GTF2E2: variants seen among roughly 807,000 people sequenced by gnomAD.
The protein encoded by GTF2E2 is general transcription factor IIE subunit 2, also known as transcription initiation factor IIE subunit beta.
In GTF2E2, 21 loss-of-function variants were observed where a neutral mutation model predicts 40.5. That is an observed-to-expected ratio of 0.52 (90% confidence interval 0.37 to 0.75). The LOEUF (loss-of-function observed/expected upper bound fraction) is 0.75. Among genes scored for constraint, GTF2E2 ranks in the 30% least tolerant of loss-of-function variants. GTF2E2 has a pLI of 0.00. For missense variants in GTF2E2, 298 were observed against 338.4 expected (o/e 0.88, Z 0.94); for synonymous variants, 117 against 121.6 (o/e 0.96, Z 0.25).
chr8:30,614,050 C>G (rs1218022182), intron 4 of GTF2E2, among the ~76,000 whole-genome samples: 2 of 152,140 alleles, frequency 1.3e-5, no homozygotes, highest in African/African-American at 4.8e-5. Flanking sequence ...AGCACACAAA[C>G]TATAAATCTG....
chr8:30,619,037 G>A (rs1000478463), intron 3 of GTF2E2, among the ~76,000 whole-genome samples: 5 of 152,148 alleles, frequency 3.3e-5, no homozygotes, highest in Admixed American at 2.0e-4. Context: ...CCACCTCCCG[G>A]GTTCAAGTGA....
At chr8:30,580,957 A>G (rs2151104672) in intron 6 of GTF2E2, among the ~76,000 whole-genome samples, 1 of 152,344 alleles carries the variant, frequency 6.6e-6, no homozygotes, top group East Asian at 1.9e-4. Flanking sequence ...TCTGTAATAC[A>G]AGGAGAAAGG....
chr8:30,590,861 T>C (rs1828826755), intron 6 of GTF2E2, among the ~76,000 whole-genome samples: 1 of 151,674 alleles, frequency 6.6e-6, no homozygotes. Flanking sequence ...CAGCTGATTT[T>C]TGTATTTTTA....
intron 3 of GTF2E2, among the ~76,000 whole-genome samples, chr8:30,621,908 A>G (rs1367066823): frequency 6.6e-6 from 1 of 152,004 alleles, no homozygotes; most frequent in African/African-American, 2.4e-5. Context: ...TTCCTGACCT[A>G]AAGAAAACAC....
At chr8:30,629,911 G>T (rs1395513213) in intron 3 of GTF2E2, among the ~76,000 whole-genome samples, 1 of 151,978 alleles carries the variant, frequency 6.6e-6, no homozygotes, top group African/African-American at 2.4e-5. Context: ...AAGGAATAAT[G>T]CTGAAATCAA....
At chr8:30,629,688 CAAAA>C (rs10707910) in intron 3 of GTF2E2, among the ~76,000 whole-genome samples, 2 of 70,976 alleles carry the variant, frequency 2.8e-5, no homozygotes, top group Admixed American at 1.6e-4. Flanking sequence ...GATTCCATCT[CAAAA>C]AAAAAAAAAA....
chr8:30,606,671 A>G (rs1043701973), intron 6 of GTF2E2, among the ~76,000 whole-genome samples: 2 of 152,216 alleles, frequency 1.3e-5, no homozygotes, highest in Non-Finnish European at 2.9e-5. Flanking sequence ...TGAAAGATTC[A>G]TAAGATAAGA....
intron 2 of GTF2E2, among the ~76,000 whole-genome samples, chr8:30,640,289 G>C (rs1801767882): frequency 6.6e-6 from 1 of 152,162 alleles, no homozygotes; most frequent in Non-Finnish European, 1.5e-5. Context: ...CATAAATACA[G>C]CAAAAGCATA....
chr8:30,599,376 A>C (rs1002980266), intron 6 of GTF2E2, among the ~76,000 whole-genome samples: 2 of 152,098 alleles, frequency 1.3e-5, no homozygotes, highest in African/African-American at 4.8e-5. Flanking sequence ...CAGGAGTTCA[A>C]GAACTAGCCT....
At chr8:30,632,453 T>C (rs1407110356) in intron 3 of GTF2E2, among the ~76,000 whole-genome samples, 1 of 152,218 alleles carries the variant, frequency 6.6e-6, no homozygotes, top group Non-Finnish European at 1.5e-5. Flanking sequence ...AGACTGGCTT[T>C]GTTAACTAGG....
intron 3 of GTF2E2, among the ~76,000 whole-genome samples, chr8:30,631,409 A>G (rs1239920763): frequency 1.3e-5 from 2 of 152,218 alleles, no homozygotes; most frequent in Non-Finnish European, 1.5e-5. Flanking sequence ...AACAATATCA[A>G]TTAGGGAGGC....
Position 30,645,890 on chromosome 8 carries a change from G to A in GTF2E2, c.166+7543C>T, listed in dbSNP as rs79269387. 2.3e-5 allele frequency: 6 copies of A among 266,504 alleles called. No individual in the cohort carries two copies. The East Asian group carries it at 3.4e-4, about 15-fold the overall frequency. 16.5% of individuals were successfully genotyped at this position (266,504 alleles called of 1,614,324 possible). A position where few individuals can be genotyped will look rare whatever the true frequency, so the allele number is the denominator to read the frequency against. On this transcript the variant is annotated intron_variant, in intron 2 of 7. Transcript: ENST00000355904. ...ATATTAAGCAGCAAAAGATAAGCTGGAAAAGACAAGCAAGGCTAATGATGC... is the reference window on the plus strand; with the variant it reads ...ATATTAAGCAGCAAAAGATAAGCTGAAAAAGACAAGCAAGGCTAATGATGC...
intron 3 of GTF2E2, among the ~76,000 whole-genome samples, chr8:30,633,391 T>G (rs1470557441): frequency 2.0e-5 from 3 of 152,208 alleles, no homozygotes; most frequent in Admixed American, 2.0e-4. Flanking sequence ...TTCCATTAGA[T>G]AAATTTAAAA....
intron 3 of GTF2E2, among the ~76,000 whole-genome samples, chr8:30,624,579 T>C (rs535369269): frequency 6.4e-4 from 98 of 152,238 alleles, no homozygotes; most frequent in Non-Finnish European, 1.3e-3. Flanking sequence ...GGGGATGGCA[T>C]TGAATCTATA....
At chr8:30,582,283 C>T (rs1828537487) in intron 6 of GTF2E2, among the ~76,000 whole-genome samples, 1 of 152,184 alleles carries the variant, frequency 6.6e-6, no homozygotes, top group Admixed American at 6.5e-5. Context: ...CTTGGCCTCC[C>T]GAAGTGCTGG....
chr8:30,632,711 T>C (rs1801476837), intron 3 of GTF2E2, among the ~76,000 whole-genome samples: 1 of 152,090 alleles, frequency 6.6e-6, no homozygotes, highest in Non-Finnish European at 1.5e-5. Flanking sequence ...GCTAAGAAAA[T>C]AAATGGTTAA....
intron 3 of GTF2E2, among the ~76,000 whole-genome samples, chr8:30,620,535 C>T (rs1801062934): frequency 6.6e-6 from 1 of 152,028 alleles, no homozygotes; most frequent in Admixed American, 6.5e-5. Context: ...CTATCTTTTT[C>T]ATTTCTTATT....
chr8:30,580,904 G>T (rs1035855621), intron 6 of GTF2E2, among the ~76,000 whole-genome samples: 5 of 152,130 alleles, frequency 3.3e-5, no homozygotes, highest in Non-Finnish European at 7.4e-5. Context: ...GCATGAAAGG[G>T]AAAGGGGGGA....
chr8:30,625,702 G>A (rs573020061), intron 3 of GTF2E2, among the ~76,000 whole-genome samples: 4 of 152,226 alleles, frequency 2.6e-5, no homozygotes, highest in East Asian at 1.9e-4. Flanking sequence ...GGGTTCAGAC[G>A]ATTCCTGTGC....
Sources: gnomAD v4.1 joint callset for allele counts (sites outside exome capture counted in the v4.1 genomes callset) on GRCh38, gnomAD v4.1.1 for gene constraint, MANE v1.5 for transcripts, NCBI Gene and HGNC (gene_info 2026-07-23, HGNC 2026-07-21) for gene names.